Variants in HECTD2 observed in about 807,000 individuals in gnomAD.
The protein encoded by HECTD2 is HECT domain E3 ubiquitin protein ligase 2, also known as probable E3 ubiquitin-protein ligase HECTD2.
HECTD2 carries 35 observed loss-of-function variants against 103.2 expected under a neutral mutation model. The ratio of observed to expected loss-of-function variants is 0.34; its 90% confidence interval spans 0.26 to 0.45. HECTD2 has a LOEUF of 0.45. HECTD2 is among the 20% of genes least tolerant of loss of function. The probability of loss-of-function intolerance (pLI) is 1.00; values close to 1 mark genes in which losing one functional copy is unlikely to be tolerated. For synonymous variants in HECTD2, 281 were observed against 329.9 expected (o/e 0.85, Z 1.61); for missense variants, 596 against 937.4 (o/e 0.64, Z 4.76).
At chr10:91,510,881 C>G (rs973721923) in intron 20 of HECTD2, among the ~76,000 whole-genome samples, 1 of 152,156 alleles carries the variant, frequency 6.6e-6, no homozygotes, top group Admixed American at 6.5e-5. Context: ...AATATTGGGC[C>G]TACATCTTTA....
chr10:91,454,636 T>C (rs931212374), intron 2 of HECTD2, among the ~76,000 whole-genome samples: 2 of 151,930 alleles, frequency 1.3e-5, no homozygotes, highest in African/African-American at 4.8e-5. Flanking sequence ...TTGTTACATA[T>C]GTATACATGT....
intron 10 of HECTD2, chr10:91,486,680 A>T (rs1846278579): frequency 6.6e-6 from 1 of 152,184 alleles, no homozygotes; most frequent in South Asian, 2.1e-4. Flanking sequence ...CCTGTCCTAA[A>T]GTACATAGTA....
At chr10:91,500,960 G>A (rs1359519718) in intron 19 of HECTD2, among the ~76,000 whole-genome samples, 3 of 152,018 alleles carry the variant, frequency 2.0e-5, no homozygotes, top group Non-Finnish European at 4.4e-5. Flanking sequence ...GGAGAAAAAT[G>A]GTTCCTGTAC....
At position 91,513,096 on chromosome 10, in the gene HECTD2, G is replaced by C. The variant is rs371997286; in HGVS notation, c.*712G>C. The C allele has an allele frequency of 2.0e-5, 3 of 152,486 alleles. No homozygotes were observed. In the South Asian group the frequency reaches 6.2e-4, roughly 32 times the overall value. The allele number at this position is 152,486 out of a possible 1,614,324, so 9.4% of individuals were successfully genotyped here. A position where few individuals can be genotyped will look rare whatever the true frequency, so the allele number is the denominator to read the frequency against. ...TATTTTCAGACTAATTGGATTCAAG[G>C]TTATATTCTTTTAAGTGTTGTTAGT... On this transcript the variant is annotated 3_prime_UTR_variant, in exon 21 of 21. Coordinates refer to ENST00000298068, the MANE Select transcript of HECTD2 (RefSeq NM_182765.6).
chr10:91,505,520 CAAAG>C (rs1180482174), intron 20 of HECTD2, among the ~76,000 whole-genome samples: 10 of 151,664 alleles, frequency 6.6e-5, no homozygotes, highest in African/African-American at 1.9e-4. Context: ...TCAAAAGAGA[CAAAG>C]AAGGCCATTA....
At chr10:91,452,221 C>A (rs964380881) in intron 2 of HECTD2, among the ~76,000 whole-genome samples, 17 of 151,984 alleles carry the variant, frequency 1.1e-4, no homozygotes, top group Admixed American at 6.6e-5. Flanking sequence ...AAAAAAGTAA[C>A]CAAGTTATGA....
At chr10:91,485,070 G>T in intron 9 of HECTD2, 110 bp from the exon 10 acceptor site, 1 of 656,336 alleles carries the variant, frequency 1.5e-6, no homozygotes, top group Non-Finnish European at 2.4e-6. Context: ...ATTTAAAATA[G>T]GAGTTTCTAG....
At chr10:91,428,268 T>C (rs1843664427) in intron 2 of HECTD2, among the ~76,000 whole-genome samples, 2 of 151,968 alleles carry the variant, frequency 1.3e-5, no homozygotes, top group South Asian at 4.2e-4. Flanking sequence ...CATGCTGTTT[T>C]GGTTACTGTA....
At chr10:91,490,845 A>G (rs1380325387) in intron 11 of HECTD2, among the ~76,000 whole-genome samples, 1 of 136,410 alleles carries the variant, frequency 7.3e-6, no homozygotes, top group African/African-American at 2.8e-5. Context: ...GAGCCGGGAT[A>G]GCGCCACTGC....
chr10:91,494,438 G>T (rs1846593260), intron 14 of HECTD2, among the ~76,000 whole-genome samples: 1 of 152,034 alleles, frequency 6.6e-6, no homozygotes. Context: ...GTAGAGAGCA[G>T]CAGCAAGCGC....
At chr10:91,419,736 C>G (rs1252204056) in intron 1 of HECTD2, among the ~76,000 whole-genome samples, 1 of 151,880 alleles carries the variant, frequency 6.6e-6, no homozygotes, top group Non-Finnish European at 1.5e-5. Context: ...GTGTTTTTCC[C>G]TGTGTTCTCT....
intron 12 of HECTD2, among the ~76,000 whole-genome samples, chr10:91,491,613 T>TC (rs1846481203): frequency 6.6e-6 from 1 of 152,168 alleles, no homozygotes; most frequent in Non-Finnish European, 1.5e-5. Flanking sequence ...TAACCTAGAT[T>TC]CCAGACCCAC....
intron 1 of HECTD2, among the ~76,000 whole-genome samples, chr10:91,418,090 A>AT (rs1843204081): frequency 3.3e-5 from 5 of 151,488 alleles, no homozygotes; most frequent in Admixed American, 3.3e-4. Flanking sequence ...AATTATTGAG[A>AT]TTTTACCAAT....
At chr10:91,457,071 G>A (rs971907776) in intron 2 of HECTD2, among the ~76,000 whole-genome samples, 1 of 152,070 alleles carries the variant, frequency 6.6e-6, no homozygotes, top group Non-Finnish European at 1.5e-5. Flanking sequence ...AATTACAGAT[G>A]AAGTGGACCA....
At chr10:91,500,664 G>C in intron 19 of HECTD2, 47 bp downstream of exon 19, 1 of 894,500 alleles carries the variant, frequency 1.1e-6, no homozygotes, top group Non-Finnish European at 1.9e-6. Flanking sequence ...AGAGGGAACA[G>C]CAGACAGTGT....
chr10:91,491,782 C>T (rs1167232271), intron 12 of HECTD2, among the ~76,000 whole-genome samples: 1 of 152,148 alleles, frequency 6.6e-6, no homozygotes, highest in African/African-American at 2.4e-5. Flanking sequence ...AAAAATGCTT[C>T]AGCTAGATCT....
intron 5 of HECTD2, among the ~76,000 whole-genome samples, chr10:91,476,029 C>T (rs183275924): frequency 7.2e-5 from 11 of 152,304 alleles, no homozygotes; most frequent in Admixed American, 3.9e-4. Context: ...TTGATACAGT[C>T]CTTCAGAATT....
At chr10:91,409,747 C>T (rs1842837116), upstream of HECTD2, among the ~76,000 whole-genome samples, 1 of 152,124 alleles carries the variant, frequency 6.6e-6, no homozygotes. Context: ...GCGCAAGCTC[C>T]GGGCCGCCTC....
intron 2 of HECTD2, among the ~76,000 whole-genome samples, chr10:91,453,587 CAAAAG>C (rs1844929517): frequency 6.6e-6 from 1 of 151,938 alleles, no homozygotes; most frequent in Non-Finnish European, 1.5e-5. Flanking sequence ...ATATATAAAT[CAAAAG>C]AGAATTCTAA....
Sources: allele counts gnomAD v4.1 joint callset (sites outside exome capture counted in the v4.1 genomes callset), GRCh38; gene constraint gnomAD v4.1.1; transcripts MANE v1.5; gene names NCBI Gene and HGNC (gene_info 2026-07-23, HGNC 2026-07-21).